Variants in GNG8 observed in about 807,000 individuals in gnomAD.
GNG8 encodes guanine nucleotide-binding protein G(I)/G(S)/G(O) subunit gamma-8.
GNG8 carries 3 observed loss-of-function variants against 4.6 expected under a neutral mutation model. The ratio of observed to expected loss-of-function variants is 0.65; its 90% confidence interval spans 0.29 to 1.67. GNG8 has a LOEUF of 1.67. Ranked by LOEUF, GNG8 falls within the 40% of genes most tolerant of loss-of-function variation. The pLI is 0.10. For synonymous variants in GNG8, 32 were observed against 40.5 expected (o/e 0.79, Z 0.80); for missense variants, 88 against 95.2 (o/e 0.92, Z 0.32).
chr19:46,634,339 G>T (rs2052848761), intron 2 of GNG8, 135 bp from the exon 3 acceptor site: 3 of 986,316 alleles, frequency 3.0e-6, no homozygotes, highest in Non-Finnish European at 4.1e-6. Flanking sequence ...GTCTTACTCC[G>T]CCCCCTCGTC....
chr19:46,635,860 G>A (rs1041331674), intron 1 of GNG8, among the ~76,000 whole-genome samples: 4 of 146,812 alleles, frequency 2.7e-5, no homozygotes, highest in Non-Finnish European at 6.0e-5. Flanking sequence ...TGGAGGAAGG[G>A]GGGAGGGAGG....
chr19:46,635,976 G>A (rs1402018968), intron 1 of GNG8, among the ~76,000 whole-genome samples, 171 bp downstream of exon 1: 2 of 151,790 alleles, frequency 1.3e-5, no homozygotes, highest in Non-Finnish European at 2.9e-5. Context: ...GGGGAGAGAT[G>A]GAAACAGAAA....
upstream of GNG8, among the ~76,000 whole-genome samples, chr19:46,636,334 G>T (rs1484054771): frequency 6.6e-6 from 1 of 151,942 alleles, no homozygotes; most frequent in African/African-American, 2.4e-5. Context: ...TTGTCTGTCA[G>T]TCCTATCTTT....
At position 46,634,319 on chromosome 19, in the gene GNG8, C is replaced by A. The variant is rs1278381036; in HGVS notation, c.85-115G>T. The A allele has an allele frequency of 3.8e-5, 48 of 1,271,464 alleles. No individual in the cohort carries two copies. The East Asian group carries it at 1.2e-3, about 31-fold the overall frequency. The allele number at this position is 1,271,464 out of a possible 1,614,324, so 78.8% of individuals were successfully genotyped here. On this transcript the variant is annotated intron_variant, in intron 2 of 2. Coordinates refer to ENST00000693335, the MANE Select transcript of GNG8 (RefSeq NM_033258.2). ...CCACCTTGCCCCGCCCCATACAGGC[C>A]TTTCCCCTTGTCTTACTCCGCCCCC...
intron 2 of GNG8, 142 bp from the exon 3 acceptor site, chr19:46,634,346 C>T: frequency 2.9e-6 from 3 of 1,023,772 alleles, no homozygotes; most frequent in East Asian, 5.3e-5. Context: ...TCCGCCCCCT[C>T]GTCCTGGCCC....
chr19:46,633,962 G>C lies in GNG8; in HGVS notation c.*114C>G. 1 of 1,242,654 alleles carries C rather than the reference G, an allele frequency of 8.0e-7. No homozygotes were observed. The allele number at this position is 1,242,654 out of a possible 1,614,324, so 77.0% of individuals were successfully genotyped here. A position where few individuals can be genotyped will look rare whatever the true frequency, so the allele number is the denominator to read the frequency against. On this transcript the variant is annotated 3_prime_UTR_variant, in exon 3 of 3. Coordinates refer to ENST00000693335, the MANE Select transcript of GNG8 (RefSeq NM_033258.2). ...TGAGAACGGACACAGCTTCCCCTAC[G>C]GTGGCCCCAAGCTCTGTGCGTGCCT...
At position 46,634,220 on chromosome 19, in the gene GNG8, T is replaced by G. The variant is rs758134519; in HGVS notation, c.85-16A>C. 14 of 1,596,432 alleles carry G rather than the reference T, an allele frequency of 8.8e-6. No homozygotes were observed. In the Admixed American group the frequency reaches 2.4e-4, roughly 27 times the overall value. Reference sequence around the variant, plus strand: ...CCTGCGACACCTGCGAGCACCCGGGTGGAGATGTCACCGCCCTGCCCGGCT... The same window carrying G: ...CCTGCGACACCTGCGAGCACCCGGGGGGAGATGTCACCGCCCTGCCCGGCT... On this transcript the variant is annotated splice_polypyrimidine_tract_variant and intron_variant, in intron 2 of 2. Transcript: ENST00000693335.
chr19:46,634,554 C>A, intron 2 of GNG8, 45 bp downstream of exon 2: 3 of 1,545,810 alleles, frequency 1.9e-6, no homozygotes, highest in Non-Finnish European at 2.7e-6. Context: ...CCGGACAGAC[C>A]GCAGGCCCAG....
rs763964812 is a variant in GNG8 at position 46,634,118 on chromosome 19, C to T, written c.171G>A (p.Glu57=). The T allele has an allele frequency of 6.2e-7, 1 of 1,613,896 alleles. No individual in the cohort carries two copies. The highest frequency in any genetic ancestry group is 8.5e-7 in the Non-Finnish European group (1 of 1,179,968). ...DPLVTPVPAA[E]NPFRDKRLFC... is the part of the protein sequence containing the mutation. ...AGAGGCGCTTGTCGCGGAAGGGGTT[C>T]TCCGCGGCGGGTACTGGCGTCACCA... The change falls in exon 3 of 3, where the codon GAG becomes GAA. Residue 57 remains glutamate, a synonymous_variant. Coordinates refer to ENST00000693335, the MANE Select transcript of GNG8 (RefSeq NM_033258.2).
intron 1 of GNG8, 59 bp from the exon 2 acceptor site, chr19:46,634,784 C>T (rs2052854511): frequency 4.5e-6 from 4 of 886,562 alleles, no homozygotes; most frequent in African/African-American, 1.6e-5. Flanking sequence ...GGGCGGGCCC[C>T]GGTAACAGGT....
At position 46,634,035 on chromosome 19, in the gene GNG8, G is replaced by C. The variant is rs370952484; in HGVS notation, c.*41C>G. The C allele has an allele frequency of 6.9e-5, 109 of 1,585,854 alleles. No homozygotes were observed. Among genetic ancestry groups the C allele is most frequent in the Non-Finnish European group, 8.9e-5 (104 of 1,163,350 alleles). ...ACCACCACAGTTACCAAGTTTATTG[G>C]ATCCATACTTTGGCAGGGGAGGGTA... is the stretch of plus-strand genomic sequence containing the variant. On this transcript the variant is annotated 3_prime_UTR_variant, in exon 3 of 3. Transcript: ENST00000693335.
chr19:46,636,217 C>A (rs978894876), upstream of GNG8, among the ~76,000 whole-genome samples: 2 of 151,728 alleles, frequency 1.3e-5, no homozygotes. Flanking sequence ...CCCTCCGGCC[C>A]GCCCCGCCCC....
intron 1 of GNG8, among the ~76,000 whole-genome samples, chr19:46,635,929 G>A (rs896227433): frequency 1.3e-5 from 2 of 151,328 alleles, no homozygotes; most frequent in African/African-American, 4.9e-5. Flanking sequence ...AGGGACAGAG[G>A]AAAGAAGGGA....
In GNG8 at chr19:46,634,003, C is replaced by T; in HGVS notation, c.*73G>A. 1 of 1,528,292 alleles carries T rather than the reference C, an allele frequency of 6.5e-7. No individual in the cohort carries two copies. The highest frequency in any genetic ancestry group is 2.3e-5 in the East Asian group (1 of 43,980). The allele number at this position is 1,528,292 out of a possible 1,614,324, so 94.7% of individuals were successfully genotyped here. A position where few individuals can be genotyped will look rare whatever the true frequency, so the allele number is the denominator to read the frequency against. On this transcript the variant is annotated 3_prime_UTR_variant, in exon 3 of 3. Coordinates refer to ENST00000693335, the MANE Select transcript of GNG8 (RefSeq NM_033258.2). ...GTGCGTGCCTCAGTCTCCCTGAAAG[C>T]ACAGGCACCACCACAGTTACCAAGT...
chr19:46,636,349 C>A (rs751730532), upstream of GNG8, among the ~76,000 whole-genome samples: 4 of 152,154 alleles, frequency 2.6e-5, no homozygotes, highest in African/African-American at 9.7e-5. Context: ...ATCTTTGTCC[C>A]TCTCCCTGTG....
rs748573554 is a variant in GNG8, at chr19:46,634,551, G to T, written c.84+48C>A. 2.0e-6 allele frequency: 3 copies of T among 1,532,222 alleles called. No individual in the cohort carries two copies. In the African/African-American group the frequency reaches 4.1e-5, roughly 21 times the overall value. 94.9% of individuals were successfully genotyped at this position (1,532,222 alleles called of 1,614,324 possible). A position where few individuals can be genotyped will look rare whatever the true frequency, so the allele number is the denominator to read the frequency against. ...AGCCGGGCCGACACAGCCCCGGACA[G>T]ACCGCAGGCCCAGAACCCCCGCCCT... On this transcript the variant is annotated intron_variant, in intron 2 of 2. Coordinates refer to ENST00000693335, the MANE Select transcript of GNG8 (RefSeq NM_033258.2).
chr19:46,634,657 G>A lies in GNG8; in HGVS notation c.26C>T (p.Ala9Val), dbSNP rs753307308. 20 of 1,612,962 alleles carry A rather than the reference G, an allele frequency of 1.2e-5. No homozygotes were observed. The highest frequency in any genetic ancestry group is 3.3e-5 in the South Asian group (3 of 91,070). The stretch of plus-strand genomic sequence containing the variant: ...CTGTTCCACCGTCTTGCGGGCCTCG[G>A]CAATCTTGGCCATGTTGTTGGACAT... MSNNMAKI[A>V]EARKTVEQLK... is the part of the protein sequence containing the mutation. Residue 9 changes from alanine to valine, a missense_variant, in exon 2 of 3, where the codon GCC becomes GTC. Transcript: ENST00000693335.
At chr19:46,634,757 C>G (rs3745623) in intron 1 of GNG8, 32 bp from the exon 2 acceptor site, 126,234 of 1,238,690 alleles carry the variant, frequency 0.1, 7,210 homozygotes, top group East Asian at 0.21. Flanking sequence ...CGTCTGGGTC[C>G]CGAGGTGGGG....
Position 46,634,607 on chromosome 19 carries a change from G to C in GNG8, c.76C>G (p.Arg26Gly). 6.2e-7 allele frequency: 1 copy of C among 1,612,694 alleles called. No homozygotes were observed. ...EQLKLEVNID[R>G]MKVSQAAAEL... ...CCACCCCGACCCAGCACCTTCATGC[G>C]GTCGATGTTCACCTCCAGCTTCAGC... Residue 26 changes from arginine (R) to glycine (G), a missense_variant, in exon 2 of 3, where the codon CGC (arginine) becomes GGC (glycine). Physicochemically the swap from Arg to Gly is moderately radical, Grantham distance 125. Transcript: ENST00000693335.
Sources: gnomAD v4.1 joint callset for allele counts (sites outside exome capture counted in the v4.1 genomes callset) on GRCh38, gnomAD v4.1.1 for gene constraint, MANE v1.5 for transcripts, NCBI Gene and HGNC (gene_info 2026-07-23, HGNC 2026-07-21) for gene names.